Variants in ST7 observed in about 807,000 individuals in gnomAD.
The protein encoded by ST7 is suppression of tumorigenicity 7.
ST7 carries 28 observed loss-of-function variants against 78.7 expected under a neutral mutation model. The observed-to-expected ratio is 0.36, with a 90% CI of 0.26 to 0.49. The LOEUF is 0.49. ST7 is among the 20% of genes least tolerant of loss of function. ST7 has a pLI of 0.99. For synonymous variants in ST7, 247 were observed against 249.6 expected (o/e 0.99, Z 0.10); for missense variants, 418 against 696.0 (o/e 0.60, Z 4.49).
intron 12 of ST7, among the ~76,000 whole-genome samples, chr7:117,192,218 C>G (rs1049864948): frequency 2.0e-5 from 3 of 152,108 alleles, no homozygotes; most frequent in African/African-American, 7.2e-5. Flanking sequence ...AAAAAATTAT[C>G]CTGAATTACA....
chr7:117,025,158 T>A (rs982288020), intron 1 of ST7, among the ~76,000 whole-genome samples: 1 of 152,198 alleles, frequency 6.6e-6, no homozygotes, highest in African/African-American at 2.4e-5. Flanking sequence ...CAGGCCATTG[T>A]TGGTAACTGG....
intron 1 of ST7, among the ~76,000 whole-genome samples, chr7:116,958,160 T>A (rs1792617508): frequency 9.6e-6 from 1 of 104,194 alleles, no homozygotes; most frequent in African/African-American, 3.4e-5. Context: ...AGTGCGTGGC[T>A]AATTTTTTTT....
intron 1 of ST7, among the ~76,000 whole-genome samples, chr7:117,019,149 T>C (rs1355285305): frequency 6.6e-6 from 1 of 152,198 alleles, no homozygotes; most frequent in Admixed American, 6.5e-5. Flanking sequence ...GCATATACCT[T>C]GGATGAATGG....
At chr7:117,087,635 G>T (rs1293766946) in intron 1 of ST7, among the ~76,000 whole-genome samples, 3 of 152,180 alleles carry the variant, frequency 2.0e-5, no homozygotes, top group Non-Finnish European at 4.4e-5. Flanking sequence ...CACACTTAAT[G>T]ATAAATGCTC....
intron 1 of ST7, among the ~76,000 whole-genome samples, chr7:116,970,791 A>G (rs1371045696): frequency 6.6e-6 from 1 of 152,120 alleles, no homozygotes; most frequent in Non-Finnish European, 1.5e-5. Flanking sequence ...ACCTGTTTGT[A>G]TATTCACTCT....
chr7:116,987,332 T>G (rs539120358), intron 1 of ST7, among the ~76,000 whole-genome samples: 34 of 152,152 alleles, frequency 2.2e-4, no homozygotes, highest in Admixed American at 9.8e-4. Flanking sequence ...GGCACAGGAG[T>G]AGACTTACTG....
chr7:117,188,266 A>G (rs1262908166), intron 10 of ST7, among the ~76,000 whole-genome samples: 5 of 152,074 alleles, frequency 3.3e-5, no homozygotes, highest in Non-Finnish European at 7.4e-5. Context: ...TTTCTACTTT[A>G]CTGTAATCCT....
intron 1 of ST7, among the ~76,000 whole-genome samples, chr7:117,064,881 G>A (rs1798549548): frequency 6.6e-6 from 1 of 152,138 alleles, no homozygotes; most frequent in Non-Finnish European, 1.5e-5. Context: ...ACAGGCCATC[G>A]TATATTGAAG....
intron 1 of ST7, among the ~76,000 whole-genome samples, chr7:116,969,368 A>G (rs548859516): frequency 1.3e-5 from 2 of 152,330 alleles, no homozygotes; most frequent in South Asian, 2.1e-4. Context: ...TTTTTAGACT[A>G]TCGCTTAATT....
At chr7:117,187,222 C>A (rs1706707816) in intron 10 of ST7, among the ~76,000 whole-genome samples, 1 of 152,078 alleles carries the variant, frequency 6.6e-6, no homozygotes, top group South Asian at 2.1e-4. Context: ...TTTTCTATTT[C>A]TGTTAATCAG....
At chr7:117,202,163 C>T (rs1810926280) in intron 12 of ST7, among the ~76,000 whole-genome samples, 1 of 83,298 alleles carries the variant, frequency 1.2e-5, no homozygotes, top group Non-Finnish European at 2.6e-5. Context: ...GGGGTTTCAC[C>T]GTTTTAGCCG....
chr7:117,205,084 A>G (rs1791623001), intron 12 of ST7, among the ~76,000 whole-genome samples: 1 of 152,186 alleles, frequency 6.6e-6, no homozygotes, highest in African/African-American at 2.4e-5. Context: ...AATGCTTATT[A>G]TAGAAAACTT....
Position 116,953,602 on chromosome 7 carries a change from C to T in ST7, c.62C>T (p.Thr21Met). ...AAGTCCTGCATAGTTTGGTCTTGGA[C>T]GTATCTGTGGACCGTGTGGTTCTTC... ...QLKSCIVWSW[T>M]YLWTVWFFIV... The change falls in exon 1 of 16, where the codon ACG (threonine) becomes ATG (methionine). Residue 21 changes from threonine to methionine, a missense_variant. Transcript: ENST00000323984. 1 of 1,507,046 alleles carries T rather than the reference C, an allele frequency of 6.6e-7. No homozygotes were observed. 93.4% of individuals were successfully genotyped at this position (1,507,046 alleles called of 1,614,324 possible).
intron 1 of ST7, among the ~76,000 whole-genome samples, chr7:117,014,146 A>G (rs1444318393): frequency 1.3e-5 from 2 of 152,226 alleles, no homozygotes; most frequent in Non-Finnish European, 2.9e-5. Flanking sequence ...GAAATTGTCC[A>G]ACCATTCAGG....
intron 15 of ST7, among the ~76,000 whole-genome samples, chr7:117,227,999 C>T (rs1460625862): frequency 6.6e-6 from 1 of 152,210 alleles, no homozygotes; most frequent in Non-Finnish European, 1.5e-5. Flanking sequence ...TTGAACTCTA[C>T]TTCTTCTAAC....
chr7:117,119,725 G>A lies in ST7; in HGVS notation c.394+5G>A, dbSNP rs778921557. On this transcript the variant is annotated splice_donor_5th_base_variant and intron_variant, in intron 3 of 15. Coordinates refer to ENST00000323984, the MANE Select transcript of ST7 (RefSeq NM_001369598.1). ...CCAATAGGCAAAGTGTCTCAGGTAT[G>A]GAATTTCCTTCAGTTTGCAATATTA... 2.5e-5 allele frequency: 40 copies of A among 1,609,052 alleles called. No homozygotes were observed. Among genetic ancestry groups the A allele is most frequent in the Middle Eastern group, 1.6e-4 (1 of 6,074 alleles).
At chr7:117,080,789 A>T (rs1554433686) in intron 1 of ST7, 1 of 152,206 alleles carries the variant, frequency 6.6e-6, no homozygotes, top group Non-Finnish European at 1.5e-5. Context: ...AGGTACTTAA[A>T]TATTTTGGTT....
chr7:117,089,604 C>T (rs1219160263), intron 1 of ST7, among the ~76,000 whole-genome samples: 2 of 149,026 alleles, frequency 1.3e-5, no homozygotes, highest in Non-Finnish European at 3.0e-5. Context: ...TGGAATCTCG[C>T]TCTGTCGCCC....
intron 1 of ST7, among the ~76,000 whole-genome samples, chr7:117,051,286 G>C (rs1797780347): frequency 6.6e-6 from 1 of 152,230 alleles, no homozygotes; most frequent in Admixed American, 6.5e-5. Context: ...ATAGGGTGCA[G>C]AGATCTAGGC....
Sources: allele counts gnomAD v4.1 joint callset (sites outside exome capture counted in the v4.1 genomes callset), GRCh38; gene constraint gnomAD v4.1.1; transcripts MANE v1.5; gene names NCBI Gene and HGNC (gene_info 2026-07-23, HGNC 2026-07-21).